The following DCAF1 variants were observed in gnomAD, a reference collection of about 807,000 sequenced individuals.
DCAF1 encodes DDB1- and CUL4-associated factor 1.
In DCAF1, 15 loss-of-function variants were observed where a neutral mutation model predicts 128.0. That is an observed-to-expected ratio of 0.12 (90% CI 0.08 to 0.18). The LOEUF is 0.18. DCAF1 is among the 10% of genes least tolerant of loss of function. The pLI is 1.00. For missense variants in DCAF1, 988 were observed against 1,649.5 expected, an observed-to-expected ratio of 0.60 and a Z score of 6.95; for synonymous variants, 610 against 603.0, an observed-to-expected ratio of 1.01 and a Z score of -0.17.
intron 3 of DCAF1, among the ~76,000 whole-genome samples, chr3:51,476,942 C>G (rs950116269): frequency 6.6e-6 from 1 of 151,512 alleles, no homozygotes. Flanking sequence ...AAAAATTAGC[C>G]GGGCTTGGTG....
At chr3:51,438,654 C>A (rs1553637764) in intron 9 of DCAF1, among the ~76,000 whole-genome samples, 2 of 152,210 alleles carry the variant, frequency 1.3e-5, no homozygotes, top group Non-Finnish European at 2.9e-5. Context: ...TGTTATTGCC[C>A]AGGCTGGAAT....
intron 3 of DCAF1, among the ~76,000 whole-genome samples, chr3:51,479,833 T>A (rs1705941221): frequency 6.6e-6 from 1 of 151,866 alleles, no homozygotes; most frequent in Non-Finnish European, 1.5e-5. Flanking sequence ...TATAGTACAA[T>A]GTGGTATAAT....
chr3:51,503,046 C>T (rs1708856256), upstream of DCAF1, among the ~76,000 whole-genome samples: 2 of 152,202 alleles, frequency 1.3e-5, no homozygotes, highest in African/African-American at 2.4e-5. Flanking sequence ...ACACACCTGG[C>T]TTGGTTGTGG....
At chr3:51,486,921 T>C (rs1406859914) in intron 2 of DCAF1, among the ~76,000 whole-genome samples, 1 of 151,742 alleles carries the variant, frequency 6.6e-6, no homozygotes, top group African/African-American at 2.4e-5. Context: ...CATGAGCCAC[T>C]GTGCTTGGCC....
intron 6 of DCAF1, among the ~76,000 whole-genome samples, chr3:51,455,714 T>C (rs1577203718): frequency 1.3e-5 from 2 of 151,576 alleles, no homozygotes; most frequent in Non-Finnish European, 2.9e-5. Context: ...CTGACCAATA[T>C]GGTGAAACCC....
chr3:51,457,540 TCA>T (rs1703058356), intron 6 of DCAF1, among the ~76,000 whole-genome samples: 1 of 152,010 alleles, frequency 6.6e-6, no homozygotes, highest in Admixed American at 6.6e-5. Context: ...AGGCCAACAT[TCA>T]AATTAAGGAA....
Position 51,397,910 on chromosome 3 carries a change from G to T in DCAF1, c.*859C>A, listed in dbSNP as rs1216833384. 1 of 166,538 alleles carries T rather than the reference G, an allele frequency of 6.0e-6. No homozygotes were observed. Among genetic ancestry groups the T allele is most frequent in the Non-Finnish European group, 1.5e-5 (1 of 68,084 alleles). The allele number at this position is 166,538 out of a possible 1,614,324, so 10.3% of individuals were successfully genotyped here. On this transcript the variant is annotated 3_prime_UTR_variant, in exon 25 of 25. Coordinates refer to ENST00000684031, the MANE Select transcript of DCAF1 (RefSeq NM_001387579.1). Reference sequence around the variant, plus strand: ...AATACACTTTACATTAAAGAAAAAGGCCTTTGATTTGTAATTTCCACAATG... The same window carrying T: ...AATACACTTTACATTAAAGAAAAAGTCCTTTGATTTGTAATTTCCACAATG...
chr3:51,434,196 G>C (rs889109594), intron 9 of DCAF1, among the ~76,000 whole-genome samples: 1 of 152,130 alleles, frequency 6.6e-6, no homozygotes, highest in African/African-American at 2.4e-5. Context: ...GAAGCCAGGA[G>C]TTCAGGGCCA....
At chr3:51,431,655 T>C (rs1172596218) in intron 10 of DCAF1, among the ~76,000 whole-genome samples, 1 of 151,976 alleles carries the variant, frequency 6.6e-6, no homozygotes, top group East Asian at 1.9e-4. Context: ...TATTTGTTAA[T>C]ATAAAACAAG....
In DCAF1 at chr3:51,405,984, C is replaced by T. The variant is rs911211858; in HGVS notation, c.4213-2589G>A. Among the ~76,000 whole-genome samples, 4 of 151,932 alleles carry T rather than the reference C, an allele frequency of 2.6e-5. 1 individual carries two copies. Among genetic ancestry groups the T allele is most frequent in the Non-Finnish European group, 5.9e-5 (4 of 67,988 alleles). The stretch of plus-strand genomic sequence containing the variant: ...AGGAATTCAAGGCTACATTGAACTA[C>T]GATTGTGCCACTGCACTCCAGCCTG... On this transcript the variant is annotated intron_variant, in intron 23 of 24. Transcript: ENST00000684031.
At chr3:51,454,586 C>T (rs2107887694) in intron 6 of DCAF1, among the ~76,000 whole-genome samples, 1 of 152,090 alleles carries the variant, frequency 6.6e-6, no homozygotes, top group Non-Finnish European at 1.5e-5. Flanking sequence ...TGATCTCAAA[C>T]TACTGGCCTC....
intron 6 of DCAF1, among the ~76,000 whole-genome samples, chr3:51,454,121 T>C (rs1175857763): frequency 6.6e-6 from 1 of 152,198 alleles, no homozygotes; most frequent in East Asian, 1.9e-4. Context: ...GGGCTAACCA[T>C]AGCCTCTACT....
chr3:51,442,576 G>GTGAT (rs1463781360), intron 7 of DCAF1, among the ~76,000 whole-genome samples: 1 of 152,032 alleles, frequency 6.6e-6, no homozygotes, highest in African/African-American at 2.4e-5. Flanking sequence ...GTGCTCGCCT[G>GTGAT]TAATCCCAGC....
Position 51,418,178 on chromosome 3 carries a change from T to C in DCAF1, c.3456A>G (p.Thr1152=), listed in dbSNP as rs1699069760. The part of the protein sequence containing the change: ...EPSRDGSLLL[T]SATWSQPLSA... ...ACAAAGGCTGGCTCCAAGTAGCAGA[T>C]GTCAGCAGCAAGGACCCATCCTAAA... The change falls in exon 17 of 25, where the codon ACA becomes ACG. Residue 1152 remains threonine, a synonymous_variant. Coordinates refer to ENST00000684031, the MANE Select transcript of DCAF1 (RefSeq NM_001387579.1). 2.5e-6 allele frequency: 4 copies of C among 1,612,136 alleles called. No homozygotes were observed. The highest frequency in any genetic ancestry group is 2.5e-6 in the Non-Finnish European group (3 of 1,179,122).
chr3:51,411,164 A>AG (rs1491352382), intron 23 of DCAF1, among the ~76,000 whole-genome samples: 1 of 123,082 alleles, frequency 8.1e-6, no homozygotes, highest in Non-Finnish European at 1.6e-5. Flanking sequence ...TCCATCTCAG[A>AG]AAAAAAAAAA....
intron 4 of DCAF1, among the ~76,000 whole-genome samples, chr3:51,470,165 T>C (rs1361657884): frequency 1.3e-5 from 2 of 152,232 alleles, no homozygotes; most frequent in African/African-American, 4.8e-5. Context: ...CACTGAATGC[T>C]TTCTCAACTA....
rs782567800 is a variant in DCAF1 at position 51,430,197 on chromosome 3, G to A, written c.1303C>T (p.His435Tyr). The A allele has an allele frequency of 2.6e-5, 20 of 778,690 alleles. No homozygotes were observed. The highest frequency in any genetic ancestry group is 4.3e-5 in the Non-Finnish European group (18 of 416,616). 48.2% of individuals were successfully genotyped at this position (778,690 alleles called of 1,614,324 possible). Residue 435 changes from histidine to tyrosine, a missense_variant, in exon 11 of 25, where the codon CAC (histidine) becomes TAC (tyrosine). His to Tyr is a moderately conservative substitution (Grantham distance 83). This residue lies in a region of DCAF1 where 185 missense variants were observed against 248.1 expected (regional missense o/e 0.75). Coordinates refer to ENST00000684031, the MANE Select transcript of DCAF1 (RefSeq NM_001387579.1). The part of the protein sequence containing the change: ...DAMERVCMHP[H>Y]NVLSDVVNYT... ...TTCACCACATCAGACAGAACATTGTGGGGATGCATGCAAACCTGCAAAAAA... is the reference window on the plus strand; with the variant it reads ...TTCACCACATCAGACAGAACATTGTAGGGATGCATGCAAACCTGCAAAAAA...
rs1256263612 is a variant in DCAF1, at chr3:51,398,538, T to A, written c.*231A>T. 2 of 480,744 alleles carry A rather than the reference T, an allele frequency of 4.2e-6. No homozygotes were observed. The highest frequency in any genetic ancestry group is 3.7e-6 in the Non-Finnish European group (1 of 273,260). The allele number at this position is 480,744 out of a possible 1,614,324, so 29.8% of individuals were successfully genotyped here. On this transcript the variant is annotated 3_prime_UTR_variant, in exon 25 of 25. Coordinates refer to ENST00000684031, the MANE Select transcript of DCAF1 (RefSeq NM_001387579.1). ...CCTAGGAAATGGTGGGGGGTGGATGTGGGGGGTGCAGAGTAGGGCCTAGTC... is the reference window on the plus strand; with the variant it reads ...CCTAGGAAATGGTGGGGGGTGGATGAGGGGGGTGCAGAGTAGGGCCTAGTC...
rs1559501064 is a variant in DCAF1 at position 51,429,458 on chromosome 3, C to T, written c.1480G>A (p.Glu494Lys). 1 of 780,792 alleles carries T rather than the reference C, an allele frequency of 1.3e-6. No homozygotes were observed. The highest frequency in any genetic ancestry group is 1.7e-5 in the Admixed American group (1 of 59,030). The allele number at this position is 780,792 out of a possible 1,614,324, so 48.4% of individuals were successfully genotyped here. Residue 494 changes from glutamate to lysine, a missense_variant, in exon 12 of 25, where the codon GAG becomes AAG. Glu to Lys is a moderately conservative substitution (Grantham distance 56). Around this residue, in one of 11 missense-constraint regions of DCAF1, gnomAD observed 185 missense variants for 248.1 expected, o/e 0.75. Transcript: ENST00000684031. ...RRLVNLISTLEILNLEDQGAL... is the reference protein window; with the variant it reads ...RRLVNLISTLKILNLEDQGAL... ...CCCTGATCTTCCAAATTTAGAATCT[C>T]CAAAGTACTGATCTATTAAGATGCA...
Sources: allele counts gnomAD v4.1 joint callset (sites outside exome capture counted in the v4.1 genomes callset), GRCh38; gene constraint gnomAD v4.1.1; regional missense constraint gnomAD v4.1.1; transcripts MANE v1.5; gene names NCBI Gene and HGNC (gene_info 2026-07-23, HGNC 2026-07-21).